PCDH9: variants seen among roughly 807,000 people sequenced by gnomAD.
PCDH9 encodes protocadherin 9, also known as protocadherin-9.
Under a neutral mutation model 70.6 loss-of-function variants are expected in PCDH9, and 24 were observed. That is an observed-to-expected ratio of 0.34 (90% CI 0.25 to 0.48). The LOEUF is 0.48. Ranked by LOEUF, PCDH9 falls within the 20% of genes least tolerant of loss-of-function variation. The probability of loss-of-function intolerance (pLI) is 0.99; values close to 1 mark genes in which losing one functional copy is unlikely to be tolerated. For missense variants in PCDH9, 1,281 were observed against 1,503.6 expected, an observed-to-expected ratio of 0.85 and a Z score of 2.45; for synonymous variants, 562 against 558.5, an observed-to-expected ratio of 1.01 and a Z score of -0.09.
chr13:66,306,232 T>C (rs1368739519), intron 4 of PCDH9: 1 of 152,028 alleles, frequency 6.6e-6, no homozygotes, highest in Non-Finnish European at 1.5e-5. Context: ...TGTAGGTCTT[T>C]GCTAAAACCA....
chr13:66,697,322 T>G (rs1012133078), intron 3 of PCDH9, among the ~76,000 whole-genome samples: 1 of 152,186 alleles, frequency 6.6e-6, no homozygotes, highest in South Asian at 2.1e-4. Context: ...ATTTTCTTCA[T>G]TGTCCACCTC....
At chr13:66,946,872 C>T (rs2083096677) in intron 2 of PCDH9, among the ~76,000 whole-genome samples, 1 of 152,036 alleles carries the variant, frequency 6.6e-6, no homozygotes, top group South Asian at 2.1e-4. Flanking sequence ...AATGAATGTA[C>T]ATATGCCTTA....
intron 4 of PCDH9, among the ~76,000 whole-genome samples, chr13:66,328,447 C>T (rs1329810535): frequency 6.6e-6 from 1 of 152,062 alleles, no homozygotes; most frequent in Non-Finnish European, 1.5e-5. Context: ...TGGGTATTAG[C>T]ATATTATTTA....
chr13:66,911,887 G>A (rs1012137938), intron 2 of PCDH9, among the ~76,000 whole-genome samples: 8 of 152,252 alleles, frequency 5.3e-5, no homozygotes, highest in African/African-American at 1.4e-4. Context: ...AAACGTATTC[G>A]AAGGAATACA....
At chr13:66,652,140 A>T (rs2077861567) in intron 3 of PCDH9, among the ~76,000 whole-genome samples, 1 of 152,110 alleles carries the variant, frequency 6.6e-6, no homozygotes, top group Non-Finnish European at 1.5e-5. Context: ...ATATTACTGA[A>T]AATCCTAGTT....
intron 2 of PCDH9, among the ~76,000 whole-genome samples, chr13:67,070,671 G>A (rs1232567098): frequency 6.6e-6 from 1 of 152,088 alleles, no homozygotes; most frequent in East Asian, 1.9e-4. Context: ...ATTAGATTCA[G>A]TCTTAATGTA....
At chr13:66,626,786 G>T (rs938765405) in intron 4 of PCDH9, among the ~76,000 whole-genome samples, 40 of 152,154 alleles carry the variant, frequency 2.6e-4, no homozygotes, top group African/African-American at 9.4e-4. Context: ...TGCTTAATTT[G>T]CAAACAATTT....
intron 3 of PCDH9, among the ~76,000 whole-genome samples, chr13:66,679,043 G>T (rs2078282495): frequency 6.6e-6 from 1 of 151,384 alleles, no homozygotes; most frequent in African/African-American, 2.4e-5. Context: ...TTTTGAATGA[G>T]TGCTTATATT....
intron 2 of PCDH9, among the ~76,000 whole-genome samples, chr13:67,110,696 T>C (rs1270644484): frequency 2.0e-5 from 3 of 152,208 alleles, no homozygotes; most frequent in Non-Finnish European, 4.4e-5. Context: ...GATCCTTCTT[T>C]CTCAGGTAAG....
intron 3 of PCDH9, among the ~76,000 whole-genome samples, chr13:66,765,028 C>T (rs978675368): frequency 1.2e-4 from 17 of 142,528 alleles, no homozygotes; most frequent in Non-Finnish European, 2.3e-4. Flanking sequence ...TTCTCTTTCG[C>T]TCTCTCTCTT....
At chr13:66,829,972 T>G (rs946348438) in intron 3 of PCDH9, among the ~76,000 whole-genome samples, 1 of 152,030 alleles carries the variant, frequency 6.6e-6, no homozygotes, top group South Asian at 2.1e-4. Context: ...TTCTTTAGTT[T>G]TGAATTTGTT....
intron 3 of PCDH9, among the ~76,000 whole-genome samples, chr13:66,686,112 T>C (rs2078397528): frequency 6.6e-6 from 1 of 152,122 alleles, no homozygotes; most frequent in Non-Finnish European, 1.5e-5. Context: ...CAGAATGATA[T>C]GGTTTGCCTG....
At chr13:66,752,980 G>C (rs1350006274) in intron 3 of PCDH9, among the ~76,000 whole-genome samples, 1 of 152,136 alleles carries the variant, frequency 6.6e-6, no homozygotes, top group Admixed American at 6.5e-5. Context: ...TTCTCAAGTA[G>C]GCAATTGGAG....
At chr13:66,559,597 G>A (rs1018895826) in intron 4 of PCDH9, among the ~76,000 whole-genome samples, 16 of 151,654 alleles carry the variant, frequency 1.1e-4, no homozygotes, top group African/African-American at 3.6e-4. Context: ...TCATGAGATC[G>A]AGACCATCCT....
chr13:67,183,816 G>A (rs2088679043), intron 2 of PCDH9, among the ~76,000 whole-genome samples: 1 of 152,070 alleles, frequency 6.6e-6, no homozygotes, highest in Admixed American at 6.6e-5. Context: ...ATTTTTGCAT[G>A]AAATTTACAT....
At chr13:66,381,143 T>C (rs762492605) in intron 4 of PCDH9, among the ~76,000 whole-genome samples, 1 of 152,210 alleles carries the variant, frequency 6.6e-6, no homozygotes, top group Non-Finnish European at 1.5e-5. Flanking sequence ...GAGACCATCA[T>C]TTTGGCAACA....
At position 66,699,206 on chromosome 13, in the gene PCDH9, G is replaced by A. The variant is rs151107126; in HGVS notation, c.3139-67795C>T. Among the ~76,000 whole-genome samples, 370 of 152,116 alleles carry A rather than the reference G, an allele frequency of 2.4e-3. 2 individuals carry two copies. The highest frequency in any genetic ancestry group is 8.3e-3 in the African/African-American group (343 of 41,500). On this transcript the variant is annotated intron_variant, in intron 3 of 4. Coordinates refer to ENST00000377865, the MANE Select transcript of PCDH9 (RefSeq NM_203487.3). ...TGGGATTACAGGTGTGAGCCACTGC[G>A]CCTGGCCCCAATTCCCATTTTAAAA...
intron 4 of PCDH9, among the ~76,000 whole-genome samples, chr13:66,333,917 G>GT (rs1273558358): frequency 1.3e-5 from 2 of 152,012 alleles, no homozygotes; most frequent in African/African-American, 4.8e-5. Flanking sequence ...CTTTAAATCA[G>GT]TACACTCTTA....
chr13:66,708,112 G>C (rs4551912), intron 3 of PCDH9, among the ~76,000 whole-genome samples: 43,430 of 151,058 alleles, frequency 0.29, 7,681 homozygotes, highest in East Asian at 0.51. Flanking sequence ...TGCAGTGGCG[G>C]GATCTCGGCT....
Sources: gnomAD v4.1 joint callset for allele counts (sites outside exome capture counted in the v4.1 genomes callset) on GRCh38, gnomAD v4.1.1 for gene constraint, MANE v1.5 for transcripts, NCBI Gene and HGNC (gene_info 2026-07-23, HGNC 2026-07-21) for gene names.